CNTN4: variants seen among roughly 807,000 people sequenced by gnomAD.
CNTN4 encodes contactin 4, also known as contactin-4.
Under a neutral mutation model 122.5 loss-of-function variants are expected in CNTN4, and 77 were observed. The observed-to-expected ratio is 0.63, with a 90% CI of 0.52 to 0.76. CNTN4 has a LOEUF of 0.76. CNTN4 is among the 30% of genes least tolerant of loss of function. CNTN4 has a pLI of 0.00. For missense variants in CNTN4, 1,256 were observed against 1,259.1 expected, an observed-to-expected ratio of 1.00 and a Z score of 0.04; for synonymous variants, 512 against 447.0, an observed-to-expected ratio of 1.15 and a Z score of -1.83.
At chr3:3,025,807 CA>C (rs1188668706) in intron 14 of CNTN4, among the ~76,000 whole-genome samples, 5 of 152,068 alleles carry the variant, frequency 3.3e-5, no homozygotes, top group Non-Finnish European at 5.9e-5. Context: ...AGCAGGCTGC[CA>C]GAAAGTAAGC....
At chr3:2,122,974 T>C (rs1485417639) in intron 2 of CNTN4, among the ~76,000 whole-genome samples, 1 of 152,212 alleles carries the variant, frequency 6.6e-6, no homozygotes, top group Non-Finnish European at 1.5e-5. Flanking sequence ...AGACATTGGG[T>C]ACTGTCGGTG....
At chr3:2,631,548 C>T (rs143545320) in intron 4 of CNTN4, among the ~76,000 whole-genome samples, 15 of 152,062 alleles carry the variant, frequency 9.9e-5, no homozygotes, top group East Asian at 9.7e-4. Context: ...GGTTCTATAC[C>T]GGTTTTCAAG....
At chr3:2,116,067 A>T (rs2033331124) in intron 2 of CNTN4, among the ~76,000 whole-genome samples, 2 of 152,150 alleles carry the variant, frequency 1.3e-5, no homozygotes, top group Non-Finnish European at 2.9e-5. Flanking sequence ...GGCACTCATC[A>T]TTGGGTTGGA....
intron 2 of CNTN4, among the ~76,000 whole-genome samples, chr3:2,203,549 A>G (rs1372369885): frequency 1.3e-5 from 2 of 152,114 alleles, no homozygotes; most frequent in Non-Finnish European, 2.9e-5. Flanking sequence ...ACAACAGTAT[A>G]ATGTCATGGG....
chr3:2,470,081 T>G (rs986084402), intron 3 of CNTN4, among the ~76,000 whole-genome samples: 9 of 152,088 alleles, frequency 5.9e-5, no homozygotes, highest in Non-Finnish European at 1.0e-4. Context: ...TTTTTTTTTT[T>G]TGGAGACAGG....
At chr3:2,309,787 G>A (rs1322198903) in intron 2 of CNTN4, among the ~76,000 whole-genome samples, 1 of 152,092 alleles carries the variant, frequency 6.6e-6, no homozygotes, top group Non-Finnish European at 1.5e-5. Context: ...AGCAAGTTAT[G>A]TCTAATGAGC....
chr3:2,149,431 A>G (rs1158576893), intron 2 of CNTN4, among the ~76,000 whole-genome samples: 2 of 152,178 alleles, frequency 1.3e-5, no homozygotes, highest in African/African-American at 4.8e-5. Flanking sequence ...TTTGAGATGA[A>G]TGCATACTTC....
intron 2 of CNTN4, among the ~76,000 whole-genome samples, chr3:2,320,272 A>G (rs1000419872): frequency 6.6e-6 from 1 of 152,160 alleles, no homozygotes; most frequent in African/African-American, 2.4e-5. Context: ...GTGTACTTAG[A>G]TGTGTTAATG....
chr3:2,350,159 C>G (rs974353142), intron 3 of CNTN4, among the ~76,000 whole-genome samples: 2 of 152,066 alleles, frequency 1.3e-5, no homozygotes, highest in African/African-American at 4.8e-5. Context: ...TAGATCCTTG[C>G]TAGGAGAATG....
chr3:2,408,144 T>G (rs1184799532), intron 3 of CNTN4, among the ~76,000 whole-genome samples: 1 of 152,190 alleles, frequency 6.6e-6, no homozygotes, highest in Non-Finnish European at 1.5e-5. Flanking sequence ...CAAGTAGATA[T>G]TTTTCTGTAC....
chr3:2,477,991 A>G (rs1417109872), intron 3 of CNTN4, among the ~76,000 whole-genome samples: 2 of 152,216 alleles, frequency 1.3e-5, no homozygotes, highest in Non-Finnish European at 2.9e-5. Flanking sequence ...GGGCATTGAT[A>G]CAGAGGAGGA....
At chr3:3,039,164 A>C in intron 19 of CNTN4, 161 bp downstream of exon 19, 1 of 679,726 alleles carries the variant, frequency 1.5e-6, no homozygotes, top group Non-Finnish European at 2.7e-6. Flanking sequence ...GCTAGCAGGA[A>C]GGACGGCACT....
chr3:2,992,913 G>T (rs939709848), intron 14 of CNTN4, among the ~76,000 whole-genome samples: 6 of 152,012 alleles, frequency 3.9e-5, no homozygotes, highest in African/African-American at 1.5e-4. Context: ...AGATCTCCTG[G>T]GCCTCACTCC....
intron 13 of CNTN4, among the ~76,000 whole-genome samples, chr3:2,961,047 G>T (rs1292825248): frequency 1.6e-5 from 1 of 62,104 alleles, no homozygotes; most frequent in East Asian, 1.3e-3. Context: ...TGGCTAACAC[G>T]GTGAAACCCC....
chr3:2,355,484 C>T (rs1466637588), intron 3 of CNTN4, among the ~76,000 whole-genome samples: 1 of 152,188 alleles, frequency 6.6e-6, no homozygotes, highest in Admixed American at 6.5e-5. Context: ...GAACTTACAG[C>T]TACGAAGTAC....
intron 2 of CNTN4, among the ~76,000 whole-genome samples, chr3:2,333,153 C>G (rs1363286784): frequency 2.0e-5 from 3 of 152,292 alleles, no homozygotes; most frequent in South Asian, 4.1e-4. Context: ...CAGCATAAGC[C>G]ATTCCCACTG....
chr3:2,698,059 A>G (rs2086147270), intron 4 of CNTN4, among the ~76,000 whole-genome samples: 2 of 152,184 alleles, frequency 1.3e-5, no homozygotes, highest in South Asian at 4.1e-4. Context: ...ACATGAAATT[A>G]ATCATCTCAC....
intron 4 of CNTN4, among the ~76,000 whole-genome samples, chr3:2,588,201 C>G (rs2080294319): frequency 1.3e-5 from 2 of 152,114 alleles, no homozygotes; most frequent in South Asian, 2.1e-4. Context: ...GACTCTGCTC[C>G]TGAGCCTTGA....
At chr3:2,295,944 G>C (rs529613454) in intron 2 of CNTN4, among the ~76,000 whole-genome samples, 107 of 152,080 alleles carry the variant, frequency 7.0e-4, no homozygotes, top group Non-Finnish European at 8.7e-4. Context: ...AATCCTTTCC[G>C]CATTTCTTGT....
Sources: gnomAD v4.1 joint callset for allele counts (sites outside exome capture counted in the v4.1 genomes callset) on GRCh38, gnomAD v4.1.1 for gene constraint, MANE v1.5 for transcripts, NCBI Gene and HGNC (gene_info 2026-07-23, HGNC 2026-07-21) for gene names.